The following LAMA2 variants were observed in gnomAD, a reference collection of about 807,000 sequenced individuals.
LAMA2 encodes the protein laminin subunit alpha-2.
A neutral mutation model predicts 364.8 loss-of-function variants in LAMA2; 269 were observed. The ratio of observed to expected loss-of-function variants is 0.74; its 90% CI spans 0.67 to 0.82. The LOEUF is 0.82. LAMA2 is among the 40% of genes least tolerant of loss of function. The probability of loss-of-function intolerance (pLI) is 0.00; values close to 1 mark genes in which losing one functional copy is unlikely to be tolerated. For synonymous variants in LAMA2, 1,379 were observed against 1,370.6 expected (o/e 1.01, Z -0.14); for missense variants, 3,807 against 3,873.2 (o/e 0.98, Z 0.45).
chr6:129,343,310 A>T (rs766190666), intron 30 of LAMA2, among the ~76,000 whole-genome samples: 39 of 152,292 alleles, frequency 2.6e-4, no homozygotes, highest in Non-Finnish European at 4.7e-4. Flanking sequence ...GGACAATGTG[A>T]TCTTTGCACC....
chr6:129,270,566 G>T, intron 16 of LAMA2, 58 bp from the exon 17 acceptor site: 28 of 1,594,732 alleles, frequency 1.8e-5, no homozygotes, highest in Non-Finnish European at 2.4e-5. Context: ...CCTATTTTTG[G>T]CAACATGTTG....
At chr6:129,071,944 G>T (rs530929849) in intron 3 of LAMA2, among the ~76,000 whole-genome samples, 2 of 151,404 alleles carry the variant, frequency 1.3e-5, no homozygotes, top group South Asian at 2.1e-4. Context: ...TGTGGGCAAC[G>T]TGGTGAAACC....
At chr6:129,165,454 G>C in intron 8 of LAMA2, 122 bp from the exon 9 acceptor site, 1 of 636,026 alleles carries the variant, frequency 1.6e-6, no homozygotes, top group Non-Finnish European at 2.8e-6. Flanking sequence ...AATTCTTATA[G>C]TTTTCTCAAT....
At chr6:129,481,795 C>T (rs956412649) in intron 55 of LAMA2, among the ~76,000 whole-genome samples, 3 of 152,172 alleles carry the variant, frequency 2.0e-5, no homozygotes, top group Admixed American at 6.5e-5. Context: ...AATCTGTAGA[C>T]AGTCAGCTTC....
chr6:129,227,418 A>C (rs1784373311), intron 12 of LAMA2, among the ~76,000 whole-genome samples: 1 of 152,046 alleles, frequency 6.6e-6, no homozygotes, highest in Non-Finnish European at 1.5e-5. Flanking sequence ...TGATTTTTAG[A>C]GTTTTCAGCT....
chr6:129,129,989 G>A (rs112394430), intron 4 of LAMA2, among the ~76,000 whole-genome samples: 5,837 of 151,348 alleles, frequency 0.039, 392 homozygotes, highest in African/African-American at 0.13. Flanking sequence ...AGGGGCAGAA[G>A]TACAGATGTA....
At chr6:129,024,984 G>A (rs9402092) in intron 1 of LAMA2, among the ~76,000 whole-genome samples, 85,962 of 151,912 alleles carry the variant, frequency 0.57, 28,631 homozygotes, top group East Asian at 0.96. Flanking sequence ...AAGGCCTTAA[G>A]AAATATTTTA....
At chr6:129,168,170 T>G (rs1779886720) in intron 9 of LAMA2, among the ~76,000 whole-genome samples, 1 of 146,382 alleles carries the variant, frequency 6.8e-6, no homozygotes, top group Non-Finnish European at 1.5e-5. Context: ...TTAGTTTAAT[T>G]AGATCCCATT....
At chr6:129,130,329 G>A (rs1777391312) in intron 4 of LAMA2, among the ~76,000 whole-genome samples, 1 of 152,234 alleles carries the variant, frequency 6.6e-6, no homozygotes, top group South Asian at 2.1e-4. Flanking sequence ...AGGCCATGGA[G>A]TGAGATAATT....
At chr6:129,192,999 C>T (rs1374289212) in intron 12 of LAMA2, 146 bp downstream of exon 12, 5 of 881,630 alleles carry the variant, frequency 5.7e-6, no homozygotes, top group Non-Finnish European at 9.0e-6. Context: ...TTGAGTTGGG[C>T]GTTTCTTCCA....
At chr6:128,923,706 T>C (rs534583607) in intron 1 of LAMA2, among the ~76,000 whole-genome samples, 11 of 152,178 alleles carry the variant, frequency 7.2e-5, no homozygotes, top group Non-Finnish European at 1.3e-4. Context: ...TAATCTGCTG[T>C]AGTAGTCTGA....
intron 1 of LAMA2, among the ~76,000 whole-genome samples, chr6:129,035,774 G>A (rs759690353): frequency 1.3e-5 from 2 of 151,834 alleles, no homozygotes; most frequent in East Asian, 1.9e-4. Context: ...TGACTTTGTC[G>A]AAGATTAGTT....
intron 17 of LAMA2, among the ~76,000 whole-genome samples, chr6:129,278,746 C>T (rs1211436035): frequency 6.6e-6 from 1 of 152,068 alleles, no homozygotes; most frequent in Non-Finnish European, 1.5e-5. Context: ...TCAAAGCATC[C>T]CAGACCAGCC....
chr6:128,908,638 AG>A (rs1777669846), intron 1 of LAMA2, among the ~76,000 whole-genome samples: 1 of 129,304 alleles, frequency 7.7e-6, no homozygotes, highest in Admixed American at 7.7e-5. Context: ...TATTTCCTTC[AG>A]TTCTGCTCTG....
chr6:129,342,590 T>A (rs915055160), intron 30 of LAMA2, 123 bp downstream of exon 30: 1 of 896,884 alleles, frequency 1.1e-6, no homozygotes, highest in Non-Finnish European at 1.7e-6. Flanking sequence ...ATAGAGATAT[T>A]TTTAATAATA....
At chr6:128,984,008 T>C (rs534309880) in intron 1 of LAMA2, among the ~76,000 whole-genome samples, 1 of 152,220 alleles carries the variant, frequency 6.6e-6, no homozygotes, top group South Asian at 2.1e-4. Flanking sequence ...AAACTGAAGA[T>C]TAAGGCAATC....
intron 20 of LAMA2, among the ~76,000 whole-genome samples, chr6:129,295,610 A>T (rs1055659530): frequency 1.3e-5 from 2 of 152,196 alleles, no homozygotes; most frequent in Non-Finnish European, 2.9e-5. Flanking sequence ...AAAGTGAGGT[A>T]GAACCGTTTC....
intron 3 of LAMA2, among the ~76,000 whole-genome samples, chr6:129,081,242 G>A (rs1455844181): frequency 2.0e-5 from 3 of 151,634 alleles, no homozygotes; most frequent in Admixed American, 2.0e-4. Context: ...GGGGCCTGTT[G>A]TGGGGTGGGG....
chr6:129,449,925 C>T (rs1016187910), intron 45 of LAMA2, among the ~76,000 whole-genome samples: 3 of 151,626 alleles, frequency 2.0e-5, no homozygotes, highest in African/African-American at 7.3e-5. Context: ...GCCTCAGCCT[C>T]CTGAGTAGCT....
Sources: allele counts gnomAD v4.1 joint callset (sites outside exome capture counted in the v4.1 genomes callset), GRCh38; gene constraint gnomAD v4.1.1; transcripts MANE v1.5; gene names NCBI Gene and HGNC (gene_info 2026-07-23, HGNC 2026-07-21).